The following SNTA1 variants were observed in gnomAD, a reference collection of about 807,000 sequenced individuals.
The protein encoded by SNTA1 is alpha-1-syntrophin.
SNTA1 carries 31 observed loss-of-function variants against 47.1 expected under a neutral mutation model. The observed-to-expected ratio is 0.66, with a 90% CI of 0.49 to 0.89. The LOEUF (loss-of-function observed/expected upper bound fraction) is 0.89, where lower values mean the gene tolerates loss of function less well. Among genes scored for constraint, SNTA1 ranks in the 40% least tolerant of loss-of-function variants. The probability of loss-of-function intolerance (pLI) is 0.00; values close to 1 mark genes in which losing one functional copy is unlikely to be tolerated. For missense variants in SNTA1, 575 were observed against 693.0 expected (o/e 0.83, Z 1.91); for synonymous variants, 300 against 313.6 (o/e 0.96, Z 0.46).
At chr20:33,412,459 G>A (rs745747287) in intron 4 of SNTA1, 33 bp from the exon 5 acceptor site, 13 of 1,608,934 alleles carry the variant, frequency 8.1e-6, no homozygotes, top group South Asian at 1.1e-5. Context: ...GAGGATGGGT[G>A]GGGGAAGAGA....
rs1314800177 is a variant in SNTA1 at position 33,443,313 on chromosome 20, T to C, written c.308A>G (p.Lys103Arg). ...ADAGGLGISI[K>R]GGRENKMPIL... ...CGCCCTCGGTGTCCCGCGCCCACCT[T>C]TGATGCTGATGCCCAGCCCACCGGC... Residue 103 changes from lysine to arginine, a missense_variant and splice_region_variant, in exon 1 of 8, where the codon AAA (lysine) becomes AGA (arginine). By Grantham distance (26) the Lys-to-Arg change is conservative. Transcript: ENST00000217381. The C allele has an allele frequency of 9.3e-6, 14 of 1,509,352 alleles. No individual in the cohort carries two copies. The highest frequency in any genetic ancestry group is 1.4e-5 in the African/African-American group (1 of 69,818). The allele number at this position is 1,509,352 out of a possible 1,614,324, so 93.5% of individuals were successfully genotyped here. A position where few individuals can be genotyped will look rare whatever the true frequency, so the allele number is the denominator to read the frequency against.
Position 33,408,715 on chromosome 20 carries a change from C to T in SNTA1, c.1411G>A (p.Ala471Thr), listed in dbSNP as rs1422703925. ...CCCTCACTCACGATCTCGCCTTCAG[C>T]ACCTCCAAAATCCAGGAAAAGGAGA... ...ASLLFLDFGG[A>T]EGEIQLDLHS... is the part of the protein sequence containing the mutation. Residue 471 changes from alanine (A) to threonine (T), a missense_variant, in exon 7 of 8, where the codon GCT becomes ACT. Ala to Thr is a moderately conservative substitution (Grantham distance 58, BLOSUM62 0). Coordinates refer to ENST00000217381, the MANE Select transcript of SNTA1 (RefSeq NM_003098.3). 1 of 1,614,120 alleles carries T rather than the reference C, an allele frequency of 6.2e-7. No individual in the cohort carries two copies. The highest frequency in any genetic ancestry group is 1.3e-5 in the African/African-American group (1 of 75,016).
At chr20:33,435,960 C>T (rs1190129810) in intron 2 of SNTA1, among the ~76,000 whole-genome samples, 5 of 151,766 alleles carry the variant, frequency 3.3e-5, no homozygotes, top group Admixed American at 2.6e-4. Context: ...TTTGGGAGGC[C>T]GGGGCGGGCA....
chr20:33,412,252 C>G, intron 5 of SNTA1, 44 bp downstream of exon 5: 1 of 1,590,170 alleles, frequency 6.3e-7, no homozygotes, highest in Non-Finnish European at 8.5e-7. Flanking sequence ...GGAGCATCTC[C>G]TGGCAAGTTC....
chr20:33,435,508 G>T (rs369501668), intron 2 of SNTA1, among the ~76,000 whole-genome samples: 1 of 152,068 alleles, frequency 6.6e-6, no homozygotes, highest in African/African-American at 2.4e-5. Context: ...GCAGAGAATC[G>T]CTTGAACCTG....
chr20:33,432,990 T>C (rs1189897429), intron 2 of SNTA1, among the ~76,000 whole-genome samples: 1 of 152,118 alleles, frequency 6.6e-6, no homozygotes, highest in Non-Finnish European at 1.5e-5. Flanking sequence ...AATGCAGTGG[T>C]GCAATCTTGG....
chr20:33,417,282 T>C (rs1056758421), intron 3 of SNTA1, among the ~76,000 whole-genome samples: 4 of 152,196 alleles, frequency 2.6e-5, no homozygotes, highest in Admixed American at 2.6e-4. Flanking sequence ...ATCAATGAAC[T>C]GTTAAAGGCT....
chr20:33,415,273 C>T (rs1024062852), intron 3 of SNTA1, among the ~76,000 whole-genome samples: 4 of 152,206 alleles, frequency 2.6e-5, no homozygotes, highest in African/African-American at 9.7e-5. Context: ...CATATACACA[C>T]GTTTCAGGTA....
At chr20:33,420,360 G>A (rs1005893974) in intron 2 of SNTA1, among the ~76,000 whole-genome samples, 17 of 152,158 alleles carry the variant, frequency 1.1e-4, no homozygotes, top group African/African-American at 3.6e-4. Flanking sequence ...AGATGTTCGG[G>A]AGGATAACAC....
intron 2 of SNTA1, among the ~76,000 whole-genome samples, chr20:33,429,762 A>G (rs1227763511): frequency 6.6e-6 from 1 of 152,090 alleles, no homozygotes; most frequent in Non-Finnish European, 1.5e-5. Flanking sequence ...TATAGGCATG[A>G]GCCACTTATT....
chr20:33,408,022 C>G lies in SNTA1; in HGVS notation c.*485G>C, dbSNP rs2146752886. On this transcript the variant is annotated 3_prime_UTR_variant, in exon 8 of 8. Coordinates refer to ENST00000217381, the MANE Select transcript of SNTA1 (RefSeq NM_003098.3). ...TATCCAAGAGTAAGGAGGAGAGAGA[C>G]AGGATGAAGAGAAAAACCAGACTCC... 4.5e-6 allele frequency: 1 copy of G among 223,604 alleles called. No individual in the cohort carries two copies. Among genetic ancestry groups the G allele is most frequent in the East Asian group, 1.1e-4 (1 of 9,522 alleles). 13.9% of individuals were successfully genotyped at this position (223,604 alleles called of 1,614,324 possible).
rs73270015 is a variant in SNTA1 at position 33,412,677 on chromosome 20, A to G, written c.807T>C (p.Asn269=). Residue 269 remains asparagine (N), a synonymous_variant, in exon 4 of 8, where the codon AAT becomes AAC. Coordinates refer to ENST00000217381, the MANE Select transcript of SNTA1 (RefSeq NM_003098.3). ...SWATAIQAQV[N]TLTPRVKDEL... is the part of the protein sequence containing the mutation. ...CATCCTTGACCCGCGGCGTCAGAGTATTGACCTGGGCTTGGATGGCAGTCG... is the reference window on the plus strand; with the variant it reads ...CATCCTTGACCCGCGGCGTCAGAGTGTTGACCTGGGCTTGGATGGCAGTCG... 6,329 of 1,613,822 alleles carry G rather than the reference A, an allele frequency of 3.9e-3. 205 individuals are homozygous for G. The African/African-American group carries it at 0.073, about 18-fold the overall frequency.
Position 33,410,295 on chromosome 20 carries a change from G to A in SNTA1, c.1077C>T (p.Pro359=), listed in dbSNP as rs536435076. 2 of 1,610,556 alleles carry A rather than the reference G, an allele frequency of 1.2e-6. No homozygotes were observed. Among genetic ancestry groups the A allele is most frequent in the East Asian group, 4.5e-5 (2 of 44,772 alleles). ...VHSGPSKGSV[P]YDAELSFALR... ...GGGCAAAAGAGAGCTCTGCATCGTAGGGCACTGAGCCCTTGGAGGGGCCTG... is the reference window on the plus strand; with the variant it reads ...GGGCAAAAGAGAGCTCTGCATCGTAAGGCACTGAGCCCTTGGAGGGGCCTG... Residue 359 remains proline, a synonymous_variant, in exon 6 of 8, where the codon CCC becomes CCT. Coordinates refer to ENST00000217381, the MANE Select transcript of SNTA1 (RefSeq NM_003098.3).
At position 33,443,332 on chromosome 20, in the gene SNTA1, C is replaced by A; in HGVS notation, c.289G>T (p.Gly97Trp). 1 of 1,503,618 alleles carries A rather than the reference C, an allele frequency of 6.7e-7. No homozygotes were observed. Among genetic ancestry groups the A allele is most frequent in the Non-Finnish European group, 8.8e-7 (1 of 1,133,466 alleles). The allele number at this position is 1,503,618 out of a possible 1,614,324, so 93.1% of individuals were successfully genotyped here. ...CCACCTTTGATGCTGATGCCCAGCC[C>A]ACCGGCGTCGGCCTTGCGCACCGTC... ...RVTVRKADAGGLGISIKGGRE... is the reference protein window; with the variant it reads ...RVTVRKADAGWLGISIKGGRE... Residue 97 changes from glycine to tryptophan, a missense_variant, in exon 1 of 8, where the codon GGG becomes TGG. Transcript: ENST00000217381.
chr20:33,411,088 CTCTCT>C (rs1989729589), intron 5 of SNTA1, among the ~76,000 whole-genome samples: 1 of 152,090 alleles, frequency 6.6e-6, no homozygotes, highest in Non-Finnish European at 1.5e-5. Context: ...CCAACTGCCC[CTCTCT>C]GGGGCAGAAA....
At chr20:33,439,891 T>G (rs1990537685) in intron 1 of SNTA1, among the ~76,000 whole-genome samples, 1 of 150,080 alleles carries the variant, frequency 6.7e-6, no homozygotes, top group Non-Finnish European at 1.5e-5. Context: ...AGGCCAAGGC[T>G]GCCAGGTGGA....
intron 1 of SNTA1, among the ~76,000 whole-genome samples, chr20:33,442,313 C>T (rs544908531): frequency 7.2e-5 from 11 of 152,190 alleles, no homozygotes; most frequent in African/African-American, 2.2e-4. Flanking sequence ...CCAGAGGGTA[C>T]GGTATGTATT....
chr20:33,429,660 G>A (rs961090288), intron 2 of SNTA1, among the ~76,000 whole-genome samples: 1 of 152,026 alleles, frequency 6.6e-6, no homozygotes, highest in African/African-American at 2.4e-5. Flanking sequence ...CAAAAAAATT[G>A]TAGAGACGAG....
intron 2 of SNTA1, among the ~76,000 whole-genome samples, chr20:33,423,460 G>A (rs1191191179): frequency 3.9e-5 from 6 of 152,178 alleles, no homozygotes; most frequent in Non-Finnish European, 5.9e-5. Flanking sequence ...AGATAGGCCC[G>A]GCCAGTGCCC....
Sources: gnomAD v4.1 joint callset for allele counts (sites outside exome capture counted in the v4.1 genomes callset) on GRCh38, gnomAD v4.1.1 for gene constraint, MANE v1.5 for transcripts, NCBI Gene and HGNC (gene_info 2026-07-23, HGNC 2026-07-21) for gene names.